Variants in SLC24A2 observed in about 807,000 individuals in gnomAD.
SLC24A2 encodes the protein sodium/potassium/calcium exchanger 2.
Under a neutral mutation model 62.0 loss-of-function variants are expected in SLC24A2, and 36 were observed. The ratio of observed to expected loss-of-function variants is 0.58; its 90% CI spans 0.44 to 0.77. SLC24A2 has a LOEUF of 0.77. Ranked by LOEUF, SLC24A2 falls within the 30% of genes least tolerant of loss-of-function variation. SLC24A2 has a pLI of 0.00. For synonymous variants in SLC24A2, 358 were observed against 294.0 expected (o/e 1.22, Z -2.23); for missense variants, 846 against 817.9 (o/e 1.03, Z -0.42).
At chr9:19,897,304 G>T in the SLC24A2 span, among the ~76,000 whole-genome samples, 151,907 of 152,288 alleles carry the variant, frequency 1, 75,763 homozygotes, top group Middle Eastern at 1. Flanking sequence ...TCAACATGTT[G>T]TTTTTCATAT....
chr9:19,987,405 T>G, the SLC24A2 span, among the ~76,000 whole-genome samples: 8 of 152,258 alleles, frequency 5.3e-5, no homozygotes, highest in African/African-American at 1.9e-4. Context: ...CACAAGTCCT[T>G]TTAGTAAATT....
At chr9:20,007,677 G>C in the SLC24A2 span, among the ~76,000 whole-genome samples, 1 of 151,914 alleles carries the variant, frequency 6.6e-6, no homozygotes, top group Non-Finnish European at 1.5e-5. Flanking sequence ...AGTTACATCA[G>C]AAGTCCCTTT....
Position 19,619,757 on chromosome 9 carries a change from A to T in SLC24A2, c.970-65T>A, listed in dbSNP as rs1182988151. ...GAAAGACAAGTGCATTATAGACAAG[A>T]TCCTCACCTAGTCTGGTGGCCACTC... On this transcript the variant is annotated intron_variant, in intron 3 of 10. Transcript: ENST00000341998. 5 of 1,190,210 alleles carry T rather than the reference A, an allele frequency of 4.2e-6. No homozygotes were observed. The East Asian group carries it at 1.2e-4, about 28-fold the overall frequency. 73.7% of individuals were successfully genotyped at this position (1,190,210 alleles called of 1,614,324 possible). A position where few individuals can be genotyped will look rare whatever the true frequency, so the allele number is the denominator to read the frequency against.
At chr9:20,251,017 G>A in the SLC24A2 span, among the ~76,000 whole-genome samples, 1 of 152,218 alleles carries the variant, frequency 6.6e-6, no homozygotes, top group East Asian at 1.9e-4. Context: ...GCTGGCTCCA[G>A]TGTTCGCTTC....
At chr9:19,883,627 G>A in the SLC24A2 span, among the ~76,000 whole-genome samples, 2 of 151,108 alleles carry the variant, frequency 1.3e-5, no homozygotes, top group Non-Finnish European at 2.9e-5. Flanking sequence ...GTGCAGTGGT[G>A]CTATCTCGGC....
At chr9:20,032,612 T>C in the SLC24A2 span, among the ~76,000 whole-genome samples, 7 of 152,226 alleles carry the variant, frequency 4.6e-5, no homozygotes, top group African/African-American at 1.7e-4. Context: ...ACATAAATTG[T>C]ATCCTGTTTA....
At chr9:19,589,187 A>G (rs1836472676) in intron 5 of SLC24A2, among the ~76,000 whole-genome samples, 1 of 152,204 alleles carries the variant, frequency 6.6e-6, no homozygotes, top group South Asian at 2.1e-4. Flanking sequence ...CATTGTTGTA[A>G]TAACTAAATA....
the SLC24A2 span, among the ~76,000 whole-genome samples, chr9:19,994,524 G>A: frequency 2.6e-3 from 389 of 152,270 alleles, 2 homozygotes; most frequent in African/African-American, 8.8e-3. Context: ...CTCATTCACA[G>A]TAGTTTAACA....
rs754466796 is a variant in SLC24A2, at chr9:19,622,236, TA to T, written c.969+24del. 99 of 1,610,128 alleles carry T rather than the reference TA, an allele frequency of 6.1e-5. 3 individuals carry two copies. The South Asian group carries it at 1.0e-3, about 16-fold the overall frequency. On this transcript the variant is annotated intron_variant, in intron 3 of 10. Transcript: ENST00000341998. ...CGCTCTCCACAGGCACACAAACAGGTACAGACAAAGCCACTGCTTCCTACCG... is the reference window on the plus strand; with the variant it reads ...CGCTCTCCACAGGCACACAAACAGGTCAGACAAAGCCACTGCTTCCTACCG...
chr9:19,745,650 T>A (rs932353732), intron 2 of SLC24A2, among the ~76,000 whole-genome samples: 1 of 152,148 alleles, frequency 6.6e-6, no homozygotes, highest in Non-Finnish European at 1.5e-5. Flanking sequence ...AATTAATCTA[T>A]CCCTCTGAAT....
the SLC24A2 span, among the ~76,000 whole-genome samples, chr9:20,060,823 T>A: frequency 6.6e-6 from 1 of 152,146 alleles, no homozygotes; most frequent in African/African-American, 2.4e-5. Context: ...GGAGCTACTA[T>A]AACGATTTTA....
At chr9:19,891,482 G>A in the SLC24A2 span, among the ~76,000 whole-genome samples, 24 of 152,308 alleles carry the variant, frequency 1.6e-4, no homozygotes, top group Admixed American at 1.2e-3. Flanking sequence ...TCTGGTTAGG[G>A]CTTTAGGAAG....
the SLC24A2 span, among the ~76,000 whole-genome samples, chr9:20,104,072 T>C: frequency 2.0e-5 from 3 of 152,126 alleles, no homozygotes; most frequent in South Asian, 2.1e-4. Flanking sequence ...CAGCAGCCGA[T>C]GCGATCAACT....
chr9:19,823,917 G>A, the SLC24A2 span, among the ~76,000 whole-genome samples: 1 of 152,168 alleles, frequency 6.6e-6, no homozygotes, highest in African/African-American at 2.4e-5. Flanking sequence ...AACAAGCAAT[G>A]GGGAAATGAT....
the SLC24A2 span, among the ~76,000 whole-genome samples, chr9:20,146,886 C>G: frequency 1.3e-5 from 2 of 152,098 alleles, no homozygotes; most frequent in East Asian, 3.9e-4. Context: ...CAATTCTCAC[C>G]TCCACTCCCA....
At chr9:20,279,768 TACTGA>T in the SLC24A2 span, among the ~76,000 whole-genome samples, 1 of 152,204 alleles carries the variant, frequency 6.6e-6, no homozygotes, top group African/African-American at 2.4e-5. Flanking sequence ...TTCCTTGGGT[TACTGA>T]ACTGATCATT....
At position 19,516,099 on chromosome 9, in the gene SLC24A2, C is replaced by A. The variant is rs183935641; in HGVS notation, c.*54G>T. On this transcript the variant is annotated 3_prime_UTR_variant, in exon 11 of 11. Transcript: ENST00000341998. ...TCTCAAGAGGTCAAGGAGCCCAGAG[C>A]CCAGAGTGTGGAGGGACCATTCATG... 9 of 1,611,124 alleles carry A rather than the reference C, an allele frequency of 5.6e-6. No homozygotes were observed. The South Asian group carries it at 6.6e-5, about 12-fold the overall frequency.
At chr9:20,121,983 A>G in the SLC24A2 span, among the ~76,000 whole-genome samples, 1 of 152,222 alleles carries the variant, frequency 6.6e-6, no homozygotes, top group Non-Finnish European at 1.5e-5. Context: ...AAAGGAAAAG[A>G]GAAATCTGCT....
the SLC24A2 span, among the ~76,000 whole-genome samples, chr9:20,218,398 T>C: frequency 2.0e-5 from 3 of 152,238 alleles, no homozygotes; most frequent in South Asian, 6.2e-4. Context: ...ATCCAACCAG[T>C]CTGGCTCCAT....
Sources: allele counts gnomAD v4.1 joint callset (sites outside exome capture counted in the v4.1 genomes callset), GRCh38; gene constraint gnomAD v4.1.1; transcripts MANE v1.5; gene names NCBI Gene and HGNC (gene_info 2026-07-23, HGNC 2026-07-21).